Variants in SMYD3 observed in about 807,000 individuals in gnomAD.
SMYD3 encodes the protein SET and MYND domain containing 3.
SMYD3 carries 36 observed loss-of-function variants against 57.7 expected under a neutral mutation model. That is an observed-to-expected ratio of 0.62 (90% CI 0.48 to 0.82). The LOEUF (loss-of-function observed/expected upper bound fraction) is 0.82. SMYD3 is among the 40% of genes least tolerant of loss of function. SMYD3 has a pLI of 0.00. For synonymous variants in SMYD3, 211 were observed against 195.0 expected, an observed-to-expected ratio of 1.08 and a Z score of -0.68; for missense variants, 515 against 538.8, an observed-to-expected ratio of 0.96 and a Z score of 0.44.
intron 5 of SMYD3, among the ~76,000 whole-genome samples, chr1:246,040,907 T>C (rs1174328681): frequency 6.6e-6 from 1 of 152,166 alleles, no homozygotes; most frequent in African/African-American, 2.4e-5. Context: ...CCCTCTCTGA[T>C]ATATATAAAT....
In SMYD3 at chr1:246,192,905, C is replaced by CAAA. The variant is rs1402101192; in HGVS notation, c.531+134293_531+134295dup. On this transcript the variant is annotated intron_variant, in intron 5 of 11. Transcript: ENST00000490107. ...CTTTTAAAAAGGTAAAAGGTAAAGTCAAAAAAAAAAAAGAAATGTAGTTAC... is the reference window on the plus strand; with the variant it reads ...CTTTTAAAAAGGTAAAAGGTAAAGTCAAAAAAAAAAAAAAAGAAATGTAGTTAC... Among the ~76,000 whole-genome samples the CAAA allele has an allele frequency of 1.3e-3, 154 of 121,390 alleles. 2 individuals carry two copies. Among genetic ancestry groups the CAAA allele is most frequent in the African/African-American group, 4.6e-3 (150 of 32,684 alleles). 79.6% of individuals were successfully genotyped at this position (121,390 alleles called of 152,430 possible). A position where few individuals can be genotyped will look rare whatever the true frequency, so the allele number is the denominator to read the frequency against.
chr1:246,280,299 C>T (rs148722755), intron 5 of SMYD3, among the ~76,000 whole-genome samples: 51 of 152,234 alleles, frequency 3.4e-4, no homozygotes, highest in African/African-American at 1.2e-3. Flanking sequence ...TACCAAGTAA[C>T]GAACATCAAA....
At chr1:245,995,889 T>A (rs1455033364) in intron 5 of SMYD3, among the ~76,000 whole-genome samples, 1 of 152,190 alleles carries the variant, frequency 6.6e-6, no homozygotes, top group Admixed American at 6.5e-5. Context: ...AGCTTGGTCC[T>A]GGGGATGAGC....
rs560050587 is a variant in SMYD3, at chr1:246,399,593, G to C, written c.165-44499C>G. 2.6e-5 allele frequency among the ~76,000 whole-genome samples: 4 copies of C among 152,004 alleles called. No individual in the cohort carries two copies. The East Asian group carries it at 5.8e-4, about 22-fold the overall frequency. ...TCCTGGGCTCAACTGATCTGCCCGGGTCAGCTTTCCAATAGTGCTGGGACT... is the reference window on the plus strand; with the variant it reads ...TCCTGGGCTCAACTGATCTGCCCGGCTCAGCTTTCCAATAGTGCTGGGACT... On this transcript the variant is annotated intron_variant, in intron 1 of 11. Coordinates refer to ENST00000490107, the MANE Select transcript of SMYD3 (RefSeq NM_001167740.2).
chr1:246,036,720 A>ATTTTTTTTTTTTTTTTTTT (rs546300378), intron 5 of SMYD3, among the ~76,000 whole-genome samples: 1 of 110,498 alleles, frequency 9.0e-6, no homozygotes, highest in African/African-American at 3.9e-5. Flanking sequence ...AGCCCGGCTA[A>ATTTTTTTTTTTTTTTTTTT]TTTTTTTTTT....
At chr1:246,164,829 C>T (rs1386693297) in intron 5 of SMYD3, among the ~76,000 whole-genome samples, 1 of 152,146 alleles carries the variant, frequency 6.6e-6, no homozygotes, top group African/African-American at 2.4e-5. Context: ...TTTATCAGTC[C>T]GTTCATTTAC....
chr1:246,373,868 T>A (rs1397998938), intron 1 of SMYD3, among the ~76,000 whole-genome samples: 6 of 152,176 alleles, frequency 3.9e-5, no homozygotes, highest in African/African-American at 1.4e-4. Context: ...CATGGAGAAA[T>A]CTTTAACAAG....
intron 5 of SMYD3, among the ~76,000 whole-genome samples, chr1:246,267,648 AG>A (rs1357768701): frequency 6.6e-6 from 1 of 152,162 alleles, no homozygotes; most frequent in Non-Finnish European, 1.5e-5. Flanking sequence ...TCATTCTTTA[AG>A]GGTCAGACAT....
intron 10 of SMYD3, among the ~76,000 whole-genome samples, chr1:245,814,811 C>T (rs1315670928): frequency 1.3e-5 from 2 of 151,694 alleles, no homozygotes; most frequent in African/African-American, 4.8e-5. Context: ...CCACCATGCA[C>T]ACACACACAC....
chr1:246,113,426 A>G (rs2061287943), intron 5 of SMYD3, among the ~76,000 whole-genome samples: 1 of 152,218 alleles, frequency 6.6e-6, no homozygotes. Flanking sequence ...AATGTGCCAC[A>G]TGAAGATAAA....
chr1:246,036,539 C>CTTTTTT (rs59062672), intron 5 of SMYD3, among the ~76,000 whole-genome samples: 8 of 144,954 alleles, frequency 5.5e-5, no homozygotes, highest in African/African-American at 1.5e-4. Context: ...TTCTTTCTCT[C>CTTTTTT]TTTTTTTTTT....
intron 1 of SMYD3, among the ~76,000 whole-genome samples, chr1:246,432,751 A>G (rs144664643): frequency 1.2e-4 from 18 of 152,372 alleles, no homozygotes; most frequent in African/African-American, 4.3e-4. Flanking sequence ...ATCTTGCTGT[A>G]TACTTCACAG....
chr1:245,784,843 ATTTTTTTTTT>A (rs74163079), intron 10 of SMYD3, among the ~76,000 whole-genome samples: 1 of 115,736 alleles, frequency 8.6e-6, no homozygotes, highest in Non-Finnish European at 1.8e-5. Context: ...TTTAGACTGA[ATTTTTTTTTT>A]TTTTTTTTTT....
At chr1:246,094,289 T>C (rs962668154) in intron 5 of SMYD3, among the ~76,000 whole-genome samples, 3 of 152,186 alleles carry the variant, frequency 2.0e-5, no homozygotes, top group African/African-American at 7.2e-5. Flanking sequence ...TGCCGGGGAC[T>C]TTCCATACAC....
At chr1:246,161,443 G>C (rs1006139638) in intron 5 of SMYD3, among the ~76,000 whole-genome samples, 2 of 152,078 alleles carry the variant, frequency 1.3e-5, no homozygotes, top group African/African-American at 4.8e-5. Context: ...TCTTTTACCA[G>C]TTCTTCAGAA....
At chr1:246,495,336 A>G (rs59180463) in intron 1 of SMYD3, among the ~76,000 whole-genome samples, 7,766 of 132,632 alleles carry the variant, frequency 0.059, 747 homozygotes, top group African/African-American at 0.21. Flanking sequence ...GTGACAGAGC[A>G]AGACTCCGTC....
chr1:246,230,537 G>A (rs2063394785), intron 5 of SMYD3, among the ~76,000 whole-genome samples: 1 of 152,154 alleles, frequency 6.6e-6, no homozygotes, highest in Non-Finnish European at 1.5e-5. Context: ...TACCACACAG[G>A]CTAGACCTGA....
chr1:245,878,263 G>GA (rs2052596668), intron 8 of SMYD3, among the ~76,000 whole-genome samples: 1 of 152,182 alleles, frequency 6.6e-6, no homozygotes, highest in Non-Finnish European at 1.5e-5. Flanking sequence ...AGCTGAGCTG[G>GA]AAAAAGAGTT....
rs188376399 is a variant in SMYD3, at chr1:245,823,689, G to A, written c.1076+34807C>T. On this transcript the variant is annotated intron_variant, in intron 10 of 11. Coordinates refer to ENST00000490107, the MANE Select transcript of SMYD3 (RefSeq NM_001167740.2). ...CGTTCAATTCAGTTGTTGGGCAACC[G>A]TTCAGGGAAGCCTTTAAGTAGAGAT... Among the ~76,000 whole-genome samples, 1,400 of 152,286 alleles carry A rather than the reference G, an allele frequency of 9.2e-3. 15 individuals carry two copies. The highest frequency in any genetic ancestry group is 0.042 in the Admixed American group (640 of 15,294).
Sources: gnomAD v4.1 joint callset for allele counts (sites outside exome capture counted in the v4.1 genomes callset) on GRCh38, gnomAD v4.1.1 for gene constraint, MANE v1.5 for transcripts, NCBI Gene and HGNC (gene_info 2026-07-23, HGNC 2026-07-21) for gene names.